The following SIL1 variants were observed in gnomAD, a reference collection of about 807,000 sequenced individuals.
SIL1 encodes nucleotide exchange factor SIL1.
SIL1 carries 40 observed loss-of-function variants against 49.1 expected under a neutral mutation model. The ratio of observed to expected loss-of-function variants is 0.81; its 90% CI spans 0.63 to 1.06. The LOEUF (loss-of-function observed/expected upper bound fraction) is 1.06, where lower values mean the gene tolerates loss of function less well. SIL1 is among the 50% of genes least tolerant of loss of function. The pLI, the probability that SIL1 is intolerant of heterozygous loss-of-function variation, is 0.00. For synonymous variants in SIL1, 253 were observed against 250.8 expected, an observed-to-expected ratio of 1.01 and a Z score of -0.08; for missense variants, 500 against 572.6, an observed-to-expected ratio of 0.87 and a Z score of 1.29.
chr5:139,106,174 C>T (rs1770707007), intron 3 of SIL1, among the ~76,000 whole-genome samples: 1 of 152,202 alleles, frequency 6.6e-6, no homozygotes, highest in Admixed American at 6.5e-5. Context: ...CAGATTCTCT[C>T]TGCTCTCTCA....
chr5:138,953,744 G>C (rs1766838562), intron 7 of SIL1, among the ~76,000 whole-genome samples: 1 of 152,254 alleles, frequency 6.6e-6, no homozygotes. Context: ...AATTAGGGCT[G>C]TCTCTGCCAT....
intron 3 of SIL1, among the ~76,000 whole-genome samples, chr5:139,071,243 C>T (rs1353006711): frequency 6.6e-6 from 1 of 150,754 alleles, no homozygotes; most frequent in Non-Finnish European, 1.5e-5. Context: ...AGATAGGTAA[C>T]CTGTAGATTC....
intron 7 of SIL1, among the ~76,000 whole-genome samples, chr5:138,960,193 TCTCA>T (rs1391105373): frequency 6.6e-6 from 1 of 152,188 alleles, no homozygotes; most frequent in Non-Finnish European, 1.5e-5. Flanking sequence ...TCTTTTGGAT[TCTCA>T]CTGTCATGTA....
At chr5:139,112,115 G>A (rs369859014) in intron 3 of SIL1, among the ~76,000 whole-genome samples, 4 of 152,068 alleles carry the variant, frequency 2.6e-5, no homozygotes, top group Admixed American at 6.5e-5. Context: ...CCGAGGTGCC[G>A]GGATTGCAGA....
intron 6 of SIL1, among the ~76,000 whole-genome samples, chr5:139,026,040 A>G (rs531277458): frequency 2.6e-5 from 4 of 152,208 alleles, no homozygotes; most frequent in East Asian, 3.9e-4. Flanking sequence ...CAATCATCCT[A>G]TAACGCTTGG....
chr5:139,081,749 C>T (rs1581085556), intron 3 of SIL1, among the ~76,000 whole-genome samples: 1 of 152,028 alleles, frequency 6.6e-6, no homozygotes, highest in South Asian at 2.1e-4. Flanking sequence ...CACGGTGGCA[C>T]AAGCCTGTAA....
intron 7 of SIL1, among the ~76,000 whole-genome samples, chr5:138,972,184 A>G (rs1767294150): frequency 6.6e-6 from 1 of 152,214 alleles, no homozygotes; most frequent in Non-Finnish European, 1.5e-5. Context: ...CACATTCTTA[A>G]GTGATTCCGT....
chr5:139,026,002 T>C (rs989286477), intron 6 of SIL1, among the ~76,000 whole-genome samples: 1 of 152,182 alleles, frequency 6.6e-6, no homozygotes, highest in African/African-American at 2.4e-5. Context: ...TCCCCTGCTC[T>C]AGTCCCCCCT....
At chr5:139,157,941 A>G (rs1581139836) in intron 1 of SIL1, among the ~76,000 whole-genome samples, 2 of 152,278 alleles carry the variant, frequency 1.3e-5, no homozygotes, top group African/African-American at 2.4e-5. Flanking sequence ...TCTTCCTTCA[A>G]TCCTTCAAGG....
chr5:139,073,861 T>C (rs879879579), intron 3 of SIL1, among the ~76,000 whole-genome samples: 12 of 151,036 alleles, frequency 7.9e-5, no homozygotes, highest in Admixed American at 2.6e-4. Context: ...GACCACACCA[T>C]TGCACTCCAG....
chr5:138,948,990 C>G lies in SIL1; in HGVS notation c.1030-1517G>C, dbSNP rs1045395695. On this transcript the variant is annotated intron_variant, in intron 9 of 9. Transcript: ENST00000394817. This position sits in a 1 kb window ranked among gnomAD's most constrained non-coding sequence, Gnocchi z 4.8. ...TTTCCCAGCCTCCCGAATCATGAGCCAAAAACTGCCTTTTCTTTATATTAT... is the reference window on the plus strand; with the variant it reads ...TTTCCCAGCCTCCCGAATCATGAGCGAAAAACTGCCTTTTCTTTATATTAT... 6.6e-6 allele frequency among the ~76,000 whole-genome samples: 1 copy of G among 152,226 alleles called. No individual in the cohort carries two copies. Among genetic ancestry groups the G allele is most frequent in the African/African-American group, 2.4e-5 (1 of 41,464 alleles).
chr5:139,177,624 G>A (rs946441110), intron 1 of SIL1, among the ~76,000 whole-genome samples: 6 of 152,124 alleles, frequency 3.9e-5, no homozygotes, highest in Non-Finnish European at 8.8e-5. Flanking sequence ...AGATGAATAA[G>A]TGAAAGGAGT....
At chr5:139,115,556 T>C (rs1198146929) in intron 3 of SIL1, among the ~76,000 whole-genome samples, 2 of 152,172 alleles carry the variant, frequency 1.3e-5, no homozygotes, top group Non-Finnish European at 2.9e-5. Flanking sequence ...TAATCAATTA[T>C]GCCTACATAA....
chr5:139,041,728 C>G (rs1769050988), intron 5 of SIL1, among the ~76,000 whole-genome samples: 1 of 151,136 alleles, frequency 6.6e-6, no homozygotes, highest in African/African-American at 2.4e-5. Context: ...CGCTTGAACC[C>G]AGGAGGTGGA....
intron 1 of SIL1, among the ~76,000 whole-genome samples, chr5:139,169,670 A>G (rs577828736): frequency 2.0e-5 from 3 of 151,324 alleles, no homozygotes; most frequent in Admixed American, 6.6e-5. Context: ...TTTAGTAGAG[A>G]TGGGGTTTCA....
At chr5:139,131,262 G>A (rs1205553666) in intron 1 of SIL1, among the ~76,000 whole-genome samples, 1 of 152,118 alleles carries the variant, frequency 6.6e-6, no homozygotes, top group Admixed American at 6.6e-5. Flanking sequence ...TTACAGGGCA[G>A]CACCTCTGAA....
chr5:139,179,648 T>C (rs1751947674), intron 1 of SIL1, among the ~76,000 whole-genome samples: 1 of 152,092 alleles, frequency 6.6e-6, no homozygotes, highest in Non-Finnish European at 1.5e-5. Context: ...AGGTACTTTA[T>C]AGACAGGGCT....
intron 3 of SIL1, among the ~76,000 whole-genome samples, chr5:139,057,449 G>A (rs1290054608): frequency 6.6e-6 from 1 of 152,068 alleles, no homozygotes; most frequent in Non-Finnish European, 1.5e-5. Context: ...CCAGTTGACA[G>A]GAAATGAGGA....
intron 5 of SIL1, among the ~76,000 whole-genome samples, chr5:139,040,484 CTTTTTTCTTTTTTCTTTTT>C (rs941335389): frequency 5.6e-5 from 5 of 89,410 alleles, no homozygotes; most frequent in Non-Finnish European, 1.1e-4. Context: ...AGTATTTTTT[CTTTTTTCTTTTTTCTTTTT>C]TTTTTTTTTT....
Sources: allele counts gnomAD v4.1 joint callset (sites outside exome capture counted in the v4.1 genomes callset), GRCh38; gene constraint gnomAD v4.1.1; non-coding constraint Gnocchi (gnomAD v3.1); transcripts MANE v1.5; gene names NCBI Gene and HGNC (gene_info 2026-07-23, HGNC 2026-07-21).